Variants in RBM7 observed in about 807,000 individuals in gnomAD.
RBM7 encodes the protein RNA-binding protein 7.
RBM7 carries 13 observed loss-of-function variants against 31.0 expected under a neutral mutation model. That is an observed-to-expected ratio of 0.42 (90% CI 0.27 to 0.67). The LOEUF (loss-of-function observed/expected upper bound fraction) is 0.67, where lower values mean the gene tolerates loss of function less well. RBM7 is among the 30% of genes least tolerant of loss of function. The pLI is 0.24. For synonymous variants in RBM7, 106 were observed against 111.2 expected, an observed-to-expected ratio of 0.95 and a Z score of 0.30; for missense variants, 245 against 326.2, an observed-to-expected ratio of 0.75 and a Z score of 1.92.
Position 114,407,917 on chromosome 11 carries a change from CAT to C in RBM7, c.*111_*112del. 7.9e-7 allele frequency: 1 copy of C among 1,268,140 alleles called. No individual in the cohort carries two copies. Among genetic ancestry groups the C allele is most frequent in the Non-Finnish European group, 1.0e-6 (1 of 953,916 alleles). The allele number at this position is 1,268,140 out of a possible 1,614,324, so 78.6% of individuals were successfully genotyped here. On this transcript the variant is annotated 3_prime_UTR_variant, in exon 5 of 5. Transcript: ENST00000375490. Reference sequence around the variant, plus strand: ...TACAGAGCAGCTTTACAAGTTGTCACATTTCTTTATAAATTTTTTTAAAGCTA... The same window carrying C: ...TACAGAGCAGCTTTACAAGTTGTCACTTCTTTATAAATTTTTTTAAAGCTA...
intron 4 of RBM7, 27 bp downstream of exon 4, chr11:114,405,826 T>C: frequency 1.4e-6 from 2 of 1,428,236 alleles, no homozygotes; most frequent in South Asian, 1.2e-5. Flanking sequence ...TCAACTTGAA[T>C]TGCCAAAAAA....
At chr11:114,400,911 A>ACGCT in intron 1 of RBM7, 144 bp downstream of exon 1, 1 of 863,416 alleles carries the variant, frequency 1.2e-6, no homozygotes, top group African/African-American at 1.7e-5. Context: ...GGGTTGCGAA[A>ACGCT]CGCTCGCTGG....
In RBM7 at chr11:114,405,807, G is replaced by A; in HGVS notation, c.441+8G>A. On this transcript the variant is annotated splice_region_variant and intron_variant, in intron 4 of 4. Coordinates refer to ENST00000375490, the MANE Select transcript of RBM7 (RefSeq NM_001286045.2). Reference sequence around the variant, plus strand: ...TTTCAGAGACAAGCAGTGGTAGGTTGACTATTTTTCAACTTGAATTGCCAA... The same window carrying A: ...TTTCAGAGACAAGCAGTGGTAGGTTAACTATTTTTCAACTTGAATTGCCAA... The A allele has an allele frequency of 6.5e-7, 1 of 1,543,968 alleles. No homozygotes were observed. The highest frequency in any genetic ancestry group is 8.8e-7 in the Non-Finnish European group (1 of 1,136,646).
chr11:114,402,734 G>A lies in RBM7; in HGVS notation c.260-94G>A. 4.6e-6 allele frequency: 5 copies of A among 1,083,962 alleles called. No homozygotes were observed. The Admixed American group carries it at 7.0e-5, about 15-fold the overall frequency. The allele number at this position is 1,083,962 out of a possible 1,614,324, so 67.1% of individuals were successfully genotyped here. A position where few individuals can be genotyped will look rare whatever the true frequency, so the allele number is the denominator to read the frequency against. On this transcript the variant is annotated intron_variant, in intron 2 of 4. Transcript: ENST00000375490. ...GTTTGAGATTTTTCTCTTTTAGATTGTGTTTACCTTTTTGGAGTGATTTCA... is the reference window on the plus strand; with the variant it reads ...GTTTGAGATTTTTCTCTTTTAGATTATGTTTACCTTTTTGGAGTGATTTCA...
rs941393892 is a variant in RBM7, at chr11:114,402,917, T to C, written c.347+2T>C. The C allele has an allele frequency of 6.3e-7, 1 of 1,597,772 alleles. No homozygotes were observed. Among genetic ancestry groups the C allele is most frequent in the Non-Finnish European group, 8.6e-7 (1 of 1,165,218 alleles). On this transcript the variant is annotated splice_donor_variant, in intron 3 of 4. Transcript: ENST00000375490. LOFTEE classifies it high-confidence loss of function. Reference sequence around the variant, plus strand: ...CCCTACCTCCACATCTCCTAGCAGGTAATATTTCTCACTTATTGTTAAGAT... The same window carrying C: ...CCCTACCTCCACATCTCCTAGCAGGCAATATTTCTCACTTATTGTTAAGAT...
Position 114,410,436 on chromosome 11 carries a change from C to T in RBM7, c.*2629C>T, listed in dbSNP as rs1367013349. The T allele has an allele frequency of 6.6e-6, 1 of 152,100 alleles. No individual in the cohort carries two copies. Among genetic ancestry groups the T allele is most frequent in the Non-Finnish European group, 1.5e-5 (1 of 68,018 alleles). 9.4% of individuals were successfully genotyped at this position (152,100 alleles called of 1,614,324 possible). A position where few individuals can be genotyped will look rare whatever the true frequency, so the allele number is the denominator to read the frequency against. On this transcript the variant is annotated 3_prime_UTR_variant, in exon 5 of 5. Transcript: ENST00000375490. ...AATTATGTTGTGTGTGCCCACTTTCCCCATACCTACTGCTACCATCTTAGA... is the reference window on the plus strand; with the variant it reads ...AATTATGTTGTGTGTGCCCACTTTCTCCATACCTACTGCTACCATCTTAGA...
chr11:114,408,692 G>T lies in RBM7; in HGVS notation c.*885G>T, dbSNP rs193268872. 3.9e-3 allele frequency: 599 copies of T among 152,452 alleles called. 4 individuals are homozygous for T. The highest frequency in any genetic ancestry group is 0.013 in the African/African-American group (542 of 41,554). 9.4% of individuals were successfully genotyped at this position (152,452 alleles called of 1,614,324 possible). On this transcript the variant is annotated 3_prime_UTR_variant, in exon 5 of 5. Coordinates refer to ENST00000375490, the MANE Select transcript of RBM7 (RefSeq NM_001286045.2). ...TACAAAGACACATGTAATGGAGATT[G>T]TACAGGTTGTTTTTTTGTTTGAACC...
intron 4 of RBM7, 189 bp from the exon 5 acceptor site, chr11:114,407,256 G>A: frequency 1.9e-6 from 1 of 522,372 alleles, no homozygotes; most frequent in Non-Finnish European, 3.3e-6. Flanking sequence ...AGGACAAAGA[G>A]TAGTATTTAT....
In RBM7 at chr11:114,402,382, CTTTTTTTTTTTTTTTTTTTTTTTT is replaced by C. The variant is rs71063570; in HGVS notation, c.260-430_260-407del. 1.4e-4 allele frequency among the ~76,000 whole-genome samples: 7 copies of C among 50,126 alleles called. 1 individual carries two copies. The highest frequency in any genetic ancestry group is 3.0e-4 in the Admixed American group (1 of 3,286). 32.9% of individuals were successfully genotyped at this position (50,126 alleles called of 152,430 possible). On this transcript the variant is annotated intron_variant, in intron 2 of 4. Coordinates refer to ENST00000375490, the MANE Select transcript of RBM7 (RefSeq NM_001286045.2). ...AAGCGGTCTACAGCAGCTTGAGATT[CTTTTTTTTTTTTTTTTTTTTTTTT>C]TTTTTTTTTTTTTTTGAGATGGAGT...
At position 114,410,304 on chromosome 11, in the gene RBM7, G is replaced by A. The variant is rs1397659641; in HGVS notation, c.*2497G>A. ...TGTGACTTTCTTTTACTCAAAAACA[G>A]CACCATAAAATTTCTGACAAGTACT... On this transcript the variant is annotated 3_prime_UTR_variant, in exon 5 of 5. Transcript: ENST00000375490. The A allele has an allele frequency of 6.6e-6, 1 of 151,984 alleles. No homozygotes were observed. The highest frequency in any genetic ancestry group is 2.4e-5 in the African/African-American group (1 of 41,388). 9.4% of individuals were successfully genotyped at this position (151,984 alleles called of 1,614,324 possible).
Position 114,402,888 on chromosome 11 carries a change from C to T in RBM7, c.320C>T (p.Ser107Leu). The change falls in exon 3 of 5, where the codon TCA becomes TTA. Residue 107 changes from serine (S) to leucine (L), a missense_variant. Coordinates refer to ENST00000375490, the MANE Select transcript of RBM7 (RefSeq NM_001286045.2). ...LSYPQHHVGN[S>L]SPTSTSPSSR... ...TATCCCCAACATCATGTTGGAAATTCAAGCCCTACCTCCACATCTCCTAGC... is the reference window on the plus strand; with the variant it reads ...TATCCCCAACATCATGTTGGAAATTTAAGCCCTACCTCCACATCTCCTAGC... 1 of 1,612,002 alleles carries T rather than the reference C, an allele frequency of 6.2e-7. No individual in the cohort carries two copies. The highest frequency in any genetic ancestry group is 1.1e-5 in the South Asian group (1 of 91,028).
chr11:114,404,690 G>T, intron 3 of RBM7, among the ~76,000 whole-genome samples: 1 of 147,380 alleles, frequency 6.8e-6, no homozygotes, highest in Non-Finnish European at 1.5e-5. Context: ...GAATTTCTTT[G>T]AAAAAAAAAA....
intron 3 of RBM7, 109 bp from the exon 4 acceptor site, chr11:114,405,597 T>TA (rs1946256097): frequency 1.7e-6 from 1 of 598,610 alleles, no homozygotes; most frequent in African/African-American, 1.9e-5. Context: ...TGAGAGCAGA[T>TA]ACCTTTCCTG....
At chr11:114,402,064 T>A in intron 2 of RBM7, 1 of 505,888 alleles carries the variant, frequency 2.0e-6, no homozygotes, top group Non-Finnish European at 3.3e-6. Context: ...AAACTGAGCT[T>A]AAAGTTTCAT....
At chr11:114,406,033 A>G in intron 4 of RBM7, 1 of 414,436 alleles carries the variant, frequency 2.4e-6, no homozygotes, top group Non-Finnish European at 4.3e-6. Context: ...TGAAATATAT[A>G]CTTAAAAGAC....
At chr11:114,405,118 G>A (rs900102241) in intron 3 of RBM7, among the ~76,000 whole-genome samples, 29 of 152,140 alleles carry the variant, frequency 1.9e-4, no homozygotes, top group African/African-American at 6.5e-4. Context: ...ATATCCAGTC[G>A]ATCAAATTCT....
At chr11:114,407,372 C>T (rs1033991422) in intron 4 of RBM7, 73 bp from the exon 5 acceptor site, 51 of 1,478,824 alleles carry the variant, frequency 3.4e-5, no homozygotes, top group African/African-American at 5.6e-5. Context: ...CTTTCATTTT[C>T]TGTTAACTGA....
Position 114,410,422 on chromosome 11 carries a change from G to A in RBM7, c.*2615G>A, listed in dbSNP as rs907022103. The A allele has an allele frequency of 3.3e-5, 5 of 151,994 alleles. No homozygotes were observed. The highest frequency in any genetic ancestry group is 1.2e-4 in the African/African-American group (5 of 41,354). The allele number at this position is 151,994 out of a possible 1,614,324, so 9.4% of individuals were successfully genotyped here. A position where few individuals can be genotyped will look rare whatever the true frequency, so the allele number is the denominator to read the frequency against. ...TTATACCACTTTCTAATTATGTTGTGTGTGCCCACTTTCCCCATACCTACT... is the reference window on the plus strand; with the variant it reads ...TTATACCACTTTCTAATTATGTTGTATGTGCCCACTTTCCCCATACCTACT... On this transcript the variant is annotated 3_prime_UTR_variant, in exon 5 of 5. Transcript: ENST00000375490.
intron 1 of RBM7, among the ~76,000 whole-genome samples, chr11:114,401,373 T>A (rs1946198269): frequency 1.3e-5 from 2 of 152,254 alleles, no homozygotes; most frequent in South Asian, 4.1e-4. Flanking sequence ...TTAAAGAAAA[T>A]CATTCTCTTG....
Sources: gnomAD v4.1 joint callset for allele counts (sites outside exome capture counted in the v4.1 genomes callset) on GRCh38, gnomAD v4.1.1 for gene constraint, MANE v1.5 for transcripts, NCBI Gene and HGNC (gene_info 2026-07-23, HGNC 2026-07-21) for gene names.